The following OBP2A variants were observed in gnomAD, a reference collection of about 807,000 sequenced individuals.
OBP2A encodes odorant-binding protein 2a.
A neutral mutation model predicts 21.9 loss-of-function variants in OBP2A; 15 were observed. That is an observed-to-expected ratio of 0.69 (90% CI 0.46 to 1.06). The LOEUF is 1.06. Among genes scored for constraint, OBP2A ranks in the 50% least tolerant of loss-of-function variants. OBP2A has a pLI of 0.00. For synonymous variants in OBP2A, 86 were observed against 91.8 expected (o/e 0.94, Z 0.36); for missense variants, 192 against 220.1 (o/e 0.87, Z 0.81).
chr9:135,549,909 T>G lies in OBP2A; in HGVS notation c.*74T>G. The G allele has an allele frequency of 1.3e-6, 2 of 1,547,294 alleles. No individual in the cohort carries two copies. The highest frequency in any genetic ancestry group is 1.7e-6 in the Non-Finnish European group (2 of 1,145,420). On this transcript the variant is annotated 3_prime_UTR_variant, in exon 7 of 7. Transcript: ENST00000371776. ...GAGCCCGGACCACCTGGACCTACCC[T>G]CCAGCCATGACCCTTCCCTGCTCCC...
At chr9:135,548,327 G>T (rs1436473103) in intron 4 of OBP2A, among the ~76,000 whole-genome samples, 2 of 152,126 alleles carry the variant, frequency 1.3e-5, no homozygotes, top group Admixed American at 1.3e-4. Flanking sequence ...CAGTGCCTCT[G>T]GGACACAAGG....
intron 6 of OBP2A, 134 bp downstream of exon 6, chr9:135,549,465 A>G: frequency 1.1e-6 from 1 of 950,802 alleles, no homozygotes; most frequent in African/African-American, 1.8e-5. Context: ...CGAGGTTGGC[A>G]CCTCAGAGTC....
chr9:135,546,804 C>T lies in OBP2A; in HGVS notation c.99C>T (p.Ala33=). ...TCACAGGGACCTGGTACGTGAAGGC[C>T]ATGGTGGTCGATAAGGACTTTCCGG... ...EDITGTWYVK[A]MVVDKDFPED... The change falls in exon 2 of 7, where the codon GCC becomes GCT. Residue 33 remains alanine, a synonymous_variant. Transcript: ENST00000371776. The T allele has an allele frequency of 6.2e-7, 1 of 1,612,862 alleles. No individual in the cohort carries two copies. Among genetic ancestry groups the T allele is most frequent in the East Asian group, 2.2e-5 (1 of 44,832 alleles).
chr9:135,546,151 T>G lies in OBP2A; in HGVS notation c.-30T>G. 7.5e-7 allele frequency: 1 copy of G among 1,330,342 alleles called. No individual in the cohort carries two copies. Among genetic ancestry groups the G allele is most frequent in the Admixed American group, 2.0e-5 (1 of 50,642 alleles). 82.4% of individuals were successfully genotyped at this position (1,330,342 alleles called of 1,614,324 possible). On this transcript the variant is annotated 5_prime_UTR_variant, in exon 1 of 7. Coordinates refer to ENST00000371776, the MANE Select transcript of OBP2A (RefSeq NM_014582.3). The stretch of plus-strand genomic sequence containing the variant: ...AGCCTTGTTCAGACGCCCAGTGACC[T>G]GCCGAGGTCGGCAGCACAGAGCTCT...
intron 3 of OBP2A, 49 bp from the exon 4 acceptor site, chr9:135,547,822 C>G (rs76634579): frequency 1.1e-5 from 16 of 1,393,084 alleles, no homozygotes; most frequent in East Asian, 6.9e-5. Flanking sequence ...CCTGAGTGCT[C>G]TCTCCGGGAA....
intron 6 of OBP2A, 75 bp from the exon 7 acceptor site, chr9:135,549,762 T>C (rs1247609531): frequency 3.0e-6 from 3 of 986,554 alleles, no homozygotes; most frequent in Non-Finnish European, 4.4e-6. Flanking sequence ...CTGCAGAGCC[T>C]GGGGAGGGAG....
chr9:135,548,075 A>G (rs531040525), intron 4 of OBP2A, 94 bp downstream of exon 4: 27 of 868,628 alleles, frequency 3.1e-5, no homozygotes, highest in South Asian at 2.9e-4. Flanking sequence ...GCACGGGGGG[A>G]AAAGGAAGCC....
chr9:135,548,663 G>A (rs202200222), intron 4 of OBP2A, 45 bp from the exon 5 acceptor site: 353 of 1,612,552 alleles, frequency 2.2e-4, no homozygotes, highest in East Asian at 2.2e-3. Flanking sequence ...CTGCAGGGCC[G>A]TGCCGCTGTC....
At chr9:135,547,748 G>C in intron 3 of OBP2A, 123 bp from the exon 4 acceptor site, 1 of 728,744 alleles carries the variant, frequency 1.4e-6, no homozygotes, top group Non-Finnish European at 2.3e-6. Context: ...AGCCAGGCCT[G>C]GCTCAGGCTG....
intron 6 of OBP2A, 58 bp downstream of exon 6, chr9:135,549,389 C>A: frequency 7.2e-6 from 10 of 1,387,112 alleles, no homozygotes; most frequent in Non-Finnish European, 1.0e-5. Flanking sequence ...TCCCGGGGTT[C>A]GAGGGTACAT....
chr9:135,546,262 G>C lies in OBP2A; in HGVS notation c.72+10G>C, dbSNP rs1334728836. On this transcript the variant is annotated intron_variant, in intron 1 of 6. Transcript: ENST00000371776. Reference sequence around the variant, plus strand: ...CCTGGAGGAGGAGGATGTGAGCTGGGTTGGCGTGGGCGGATGGAGGAGCCA... The same window carrying C: ...CCTGGAGGAGGAGGATGTGAGCTGGCTTGGCGTGGGCGGATGGAGGAGCCA... 1 of 1,495,416 alleles carries C rather than the reference G, an allele frequency of 6.7e-7. No individual in the cohort carries two copies. The highest frequency in any genetic ancestry group is 1.2e-5 in the South Asian group (1 of 84,662). 92.6% of individuals were successfully genotyped at this position (1,495,416 alleles called of 1,614,324 possible).
intron 4 of OBP2A, 36 bp downstream of exon 4, chr9:135,548,017 A>C: frequency 6.9e-7 from 1 of 1,457,066 alleles, no homozygotes; most frequent in East Asian, 2.3e-5. Flanking sequence ...GTCCTGCCCC[A>C]TGGTCTCTGC....
Position 135,547,163 on chromosome 9 carries a change from T to A in OBP2A, c.207-15T>A. On this transcript the variant is annotated splice_polypyrimidine_tract_variant and intron_variant, in intron 2 of 6. Coordinates refer to ENST00000371776, the MANE Select transcript of OBP2A (RefSeq NM_014582.3). ...TGTCCTGGGAGCCGCTGCCCGAGTG[T>A]CTCCTGTTTTCCAGGAGGGAGGATC... 9 of 1,610,604 alleles carry A rather than the reference T, an allele frequency of 5.6e-6. No homozygotes were observed. Among genetic ancestry groups the A allele is most frequent in the Non-Finnish European group, 7.6e-6 (9 of 1,178,634 alleles).
chr9:135,546,666 G>A lies in OBP2A; in HGVS notation c.73-112G>A, dbSNP rs115017953. The A allele has an allele frequency of 3.6e-3, 5,473 of 1,514,414 alleles. 167 individuals carry two copies. In the African/African-American group the frequency reaches 0.067, roughly 19 times the overall value. The allele number at this position is 1,514,414 out of a possible 1,614,324, so 93.8% of individuals were successfully genotyped here. Reference sequence around the variant, plus strand: ...GGTGCAGGAACCCAGCCTGCCTTTAGGGGTGGCAGCCGGGCACCATGGGTG... The same window carrying A: ...GGTGCAGGAACCCAGCCTGCCTTTAAGGGTGGCAGCCGGGCACCATGGGTG... On this transcript the variant is annotated intron_variant, in intron 1 of 6. Coordinates refer to ENST00000371776, the MANE Select transcript of OBP2A (RefSeq NM_014582.3).
intron 1 of OBP2A, 134 bp from the exon 2 acceptor site, chr9:135,546,644 G>T: frequency 6.9e-7 from 1 of 1,455,584 alleles, no homozygotes; most frequent in Non-Finnish European, 9.2e-7. Flanking sequence ...TAACTAAGGT[G>T]CAGGAACCCA....
Position 135,548,881 on chromosome 9 carries a change from C to A in OBP2A, c.490+72C>A. On this transcript the variant is annotated intron_variant, in intron 5 of 6. Coordinates refer to ENST00000371776, the MANE Select transcript of OBP2A (RefSeq NM_014582.3). ...GTGATCTCCAGTGTCCCATGACCCC[C>A]ATGTCCTCCCATGTCCCCCGCATTC... 9 of 1,436,006 alleles carry A rather than the reference C, an allele frequency of 6.3e-6. No individual in the cohort carries two copies. The South Asian group carries it at 9.2e-5, about 15-fold the overall frequency. 89.0% of individuals were successfully genotyped at this position (1,436,006 alleles called of 1,614,324 possible).
At position 135,549,321 on chromosome 9, in the gene OBP2A, C is replaced by G. The variant is rs369511013; in HGVS notation, c.504C>G (p.Leu168=). Residue 168 remains leucine, a synonymous_variant, in exon 6 of 7, where the codon CTC becomes CTG. Transcript: ENST00000371776. ...FMPLQTGSCV[L]EH ...TGGTCTCTGCAGGAAGCTGCGTTCT[C>G]GAACACTAGGGTGAGTGAGCCTTTA... is the stretch of plus-strand genomic sequence containing the variant. 1.3e-5 allele frequency: 20 copies of G among 1,508,138 alleles called. 4 individuals carry two copies. Among genetic ancestry groups the G allele is most frequent in the Non-Finnish European group, 1.7e-5 (19 of 1,095,080 alleles). 93.4% of individuals were successfully genotyped at this position (1,508,138 alleles called of 1,614,324 possible).
At position 135,549,883 on chromosome 9, in the gene OBP2A, A is replaced by G; in HGVS notation, c.*48A>G. On this transcript the variant is annotated 3_prime_UTR_variant, in exon 7 of 7. Coordinates refer to ENST00000371776, the MANE Select transcript of OBP2A (RefSeq NM_014582.3). ...CAGAGCCCACCCTACCACCAGACAC[A>G]GAGCCCGGACCACCTGGACCTACCC... The G allele has an allele frequency of 6.5e-7, 1 of 1,548,586 alleles. No individual in the cohort carries two copies. Among genetic ancestry groups the G allele is most frequent in the Non-Finnish European group, 8.7e-7 (1 of 1,146,034 alleles).
intron 4 of OBP2A, 134 bp downstream of exon 4, chr9:135,548,115 C>A: frequency 6.4e-6 from 4 of 622,064 alleles, no homozygotes; most frequent in South Asian, 4.3e-5. Context: ...TGCTAGGCAC[C>A]AAGCGCTGCC....
Sources: gnomAD v4.1 joint callset for allele counts (sites outside exome capture counted in the v4.1 genomes callset) on GRCh38, gnomAD v4.1.1 for gene constraint, MANE v1.5 for transcripts, NCBI Gene and HGNC (gene_info 2026-07-23, HGNC 2026-07-21) for gene names.